DRC3: variants seen among roughly 807,000 people sequenced by gnomAD.
The protein encoded by DRC3 is leucine rich repeat containing 48.
In DRC3, 45 loss-of-function variants were observed where a neutral mutation model predicts 57.6. That is an observed-to-expected ratio of 0.78 (90% CI 0.62 to 1.00). DRC3 has a LOEUF of 1.00. Among genes scored for constraint, DRC3 ranks in the 50% least tolerant of loss-of-function variants. DRC3 has a pLI of 0.00. For synonymous variants in DRC3, 257 were observed against 272.3 expected, an observed-to-expected ratio of 0.94 and a Z score of 0.55; for missense variants, 655 against 675.2, an observed-to-expected ratio of 0.97 and a Z score of 0.33.
chr17:18,007,311 A>T, intron 12 of DRC3, 164 bp downstream of exon 12: 1 of 1,320,750 alleles, frequency 7.6e-7, no homozygotes, highest in Non-Finnish European at 1.1e-6. Context: ...CAGATAAAAT[A>T]GGCTAACAAA....
At position 18,011,923 on chromosome 17, in the gene DRC3, C is replaced by T. The variant is rs553137581; in HGVS notation, c.1327-4141C>T. On this transcript the variant is annotated intron_variant, in intron 12 of 13. Coordinates refer to ENST00000399187, the MANE Select transcript of DRC3 (RefSeq NM_031294.4). ...CTGCAACCTCCACCACCTGGGTTCA[C>T]ATGATCCTCCTACCTCAGCCTCCCG... 2.3e-3 allele frequency: 351 copies of T among 152,616 alleles called. 1 individual carries two copies. The highest frequency in any genetic ancestry group is 1.5e-3 in the Non-Finnish European group (99 of 68,110). 9.5% of individuals were successfully genotyped at this position (152,616 alleles called of 1,614,324 possible). A position where few individuals can be genotyped will look rare whatever the true frequency, so the allele number is the denominator to read the frequency against.
intron 3 of DRC3, among the ~76,000 whole-genome samples, chr17:17,982,732 G>A (rs988887792): frequency 2.6e-5 from 4 of 151,574 alleles, no homozygotes; most frequent in East Asian, 3.9e-4. Flanking sequence ...GCACCACCAC[G>A]CCCAGCCAAT....
chr17:17,977,676 C>A lies in DRC3; in HGVS notation c.78C>A (p.Gly26=), dbSNP rs2042452081. 5 of 1,613,644 alleles carry A rather than the reference C, an allele frequency of 3.1e-6. No homozygotes were observed. The highest frequency in any genetic ancestry group is 2.7e-5 in the African/African-American group (2 of 74,896). Residue 26 remains glycine (G), a synonymous_variant, in exon 3 of 14, where the codon GGC becomes GGA. Transcript: ENST00000399187. ...TCAAGCTGGCCGTCGGGGACCAGGG[C>A]CCCCAGGAGGAGGCCGGGCAGCTGG... The part of the protein sequence containing the change: ...DMLKLAVGDQ[G]PQEEAGQLAK...
intron 12 of DRC3, among the ~76,000 whole-genome samples, chr17:18,013,529 A>C (rs1039111860): frequency 2.0e-5 from 3 of 152,234 alleles, no homozygotes; most frequent in Non-Finnish European, 4.4e-5. Context: ...TAAGTGAAAT[A>C]AGCCAGGAAC....
intron 8 of DRC3, among the ~76,000 whole-genome samples, chr17:17,996,775 G>A (rs1373744124): frequency 6.6e-6 from 1 of 152,206 alleles, no homozygotes; most frequent in African/African-American, 2.4e-5. Flanking sequence ...GTAGCCGTGT[G>A]ACTTTGGGCA....
At chr17:18,014,750 G>A (rs2044294119) in intron 12 of DRC3, among the ~76,000 whole-genome samples, 1 of 152,176 alleles carries the variant, frequency 6.6e-6, no homozygotes, top group Non-Finnish European at 1.5e-5. Context: ...TGTGGTTGTA[G>A]TTATCTCTAA....
chr17:17,995,074 C>G lies in DRC3; in HGVS notation c.787C>G (p.Leu263Val), dbSNP rs760734762. The G allele has an allele frequency of 5.6e-6, 9 of 1,613,940 alleles. No homozygotes were observed. Among genetic ancestry groups the G allele is most frequent in the South Asian group, 4.4e-5 (4 of 91,080 alleles). ...CGCTGAGGACTCAGAGGGCAACAAT[C>G]TGTCCTACCTGCCTGGTGTCGGTGA... ...MYAEDSEGNN[L>V]SYLPGVGELL... Residue 263 changes from leucine (L) to valine (V), a missense_variant, in exon 8 of 14, where the codon CTG (leucine) becomes GTG (valine). Leu to Val is a conservative substitution (Grantham distance 32, BLOSUM62 1). Transcript: ENST00000399187.
At position 17,997,510 on chromosome 17, in the gene DRC3, T is replaced by A; in HGVS notation, c.875T>A (p.Leu292Gln). The change falls in exon 9 of 14, where the codon CTG becomes CAG. Residue 292 changes from leucine (L) to glutamine (Q), a missense_variant. Leu to Gln is a moderately radical substitution (Grantham distance 113). Transcript: ENST00000399187. The part of the protein sequence containing the change: ...IICVNIFEYG[L>Q]KQQEKRKTEL... ...TGCGTGAATATTTTTGAGTATGGCC[T>A]GAAACAGCAGGAGAAGCGGAAAACA... is the stretch of plus-strand genomic sequence containing the variant. 6.2e-7 allele frequency: 1 copy of A among 1,612,772 alleles called. No homozygotes were observed.
intron 6 of DRC3, 173 bp downstream of exon 6, chr17:17,993,084 A>C: frequency 1.5e-6 from 1 of 679,014 alleles, no homozygotes; most frequent in Non-Finnish European, 2.4e-6. Context: ...TTCCAGCAGC[A>C]CCCTTGTAAG....
chr17:17,993,032 G>A (rs762182298), intron 6 of DRC3, 121 bp downstream of exon 6: 9 of 1,040,794 alleles, frequency 8.6e-6, no homozygotes, highest in Non-Finnish European at 9.9e-6. Context: ...AGAAAGGGCA[G>A]CTCCCTCTTC....
In DRC3 at chr17:17,977,777, G is replaced by C. The variant is rs1411275399; in HGVS notation, c.160+19G>C. On this transcript the variant is annotated intron_variant, in intron 3 of 13. Transcript: ENST00000399187. ...TTTCGGAGTATGTATCCAAGGTTCA[G>C]GGGTGGTGGCCAGGGTGGGCCCTCC... The C allele has an allele frequency of 6.4e-7, 1 of 1,562,472 alleles. No individual in the cohort carries two copies. Among genetic ancestry groups the C allele is most frequent in the East Asian group, 2.3e-5 (1 of 44,258 alleles).
At chr17:17,983,571 C>T (rs1314992976) in intron 3 of DRC3, among the ~76,000 whole-genome samples, 1 of 152,148 alleles carries the variant, frequency 6.6e-6, no homozygotes, top group African/African-American at 2.4e-5. Context: ...CACTTCCACC[C>T]CAGCAACTTT....
chr17:17,983,905 A>G lies in DRC3; in HGVS notation c.238A>G (p.Ile80Val). Residue 80 changes from isoleucine to valine, a missense_variant, in exon 4 of 14, where the codon ATC becomes GTC. Physicochemically the swap from Ile to Val is conservative, Grantham distance 29. Transcript: ENST00000399187. The part of the protein sequence containing the change: ...LQLDNNIIEK[I>V]EGLENLAHLV... The stretch of plus-strand genomic sequence containing the variant: ...GCTGGACAATAACATCATTGAGAAG[A>G]TCGAGGGCCTGGAGAACCTCGCACA... 1 of 1,613,514 alleles carries G rather than the reference A, an allele frequency of 6.2e-7. No individual in the cohort carries two copies.
Position 17,997,535 on chromosome 17 carries a change from A to G in DRC3, c.900A>G (p.Thr300=). 6.2e-7 allele frequency: 1 copy of G among 1,611,394 alleles called. No homozygotes were observed. Among genetic ancestry groups the G allele is most frequent in the Admixed American group, 1.7e-5 (1 of 59,578 alleles). Residue 300 remains threonine (T), a synonymous_variant, in exon 9 of 14, where the codon ACA becomes ACG. Transcript: ENST00000399187. ...TGAAACAGCAGGAGAAGCGGAAAAC[A>G]GAGCTTGACACCTTCAGTGAATGTG... ...YGLKQQEKRK[T]ELDTFSECVR... is the part of the protein sequence containing the mutation.
intron 5 of DRC3, 53 bp from the exon 6 acceptor site, chr17:17,992,712 T>A (rs1483468154): frequency 3.2e-6 from 5 of 1,581,878 alleles, no homozygotes; most frequent in Non-Finnish European, 4.3e-6. Flanking sequence ...GCAGCTGTGT[T>A]TTCAACTCTG....
At chr17:17,989,813 T>C (rs2043142681) in intron 5 of DRC3, among the ~76,000 whole-genome samples, 2 of 152,206 alleles carry the variant, frequency 1.3e-5, no homozygotes, top group African/African-American at 4.8e-5. Context: ...CTGGGTGGGC[T>C]TCTTTGGCTT....
chr17:17,984,691 C>G (rs2042878877), intron 4 of DRC3, among the ~76,000 whole-genome samples: 2 of 152,138 alleles, frequency 1.3e-5, no homozygotes, highest in South Asian at 2.1e-4. Context: ...GCCCCAGGCA[C>G]TTGCCCAAAG....
chr17:17,973,564 CAGTA>C (rs1298522827), intron 1 of DRC3: 1 of 152,122 alleles, frequency 6.6e-6, no homozygotes, highest in Non-Finnish European at 1.5e-5. Flanking sequence ...ACTGAGCACA[CAGTA>C]AGCATTCAGT....
chr17:17,992,761 C>T lies in DRC3; in HGVS notation c.445-4C>T. 1 of 1,612,170 alleles carries T rather than the reference C, an allele frequency of 6.2e-7. No individual in the cohort carries two copies. Among genetic ancestry groups the T allele is most frequent in the Non-Finnish European group, 8.5e-7 (1 of 1,179,184 alleles). On this transcript the variant is annotated splice_region_variant and splice_polypyrimidine_tract_variant and intron_variant, in intron 5 of 13. Transcript: ENST00000399187. Reference sequence around the variant, plus strand: ...AATGGGCCTTTCTCCCTTTTTCTCCCCAGATCATCTACCTCCGGCGGTTCA... The same window carrying T: ...AATGGGCCTTTCTCCCTTTTTCTCCTCAGATCATCTACCTCCGGCGGTTCA...
Sources: allele counts gnomAD v4.1 joint callset (sites outside exome capture counted in the v4.1 genomes callset), GRCh38; gene constraint gnomAD v4.1.1; transcripts MANE v1.5; gene names NCBI Gene and HGNC (gene_info 2026-07-23, HGNC 2026-07-21).